The following NCOA4 variants were observed in gnomAD, a reference collection of about 807,000 sequenced individuals.
NCOA4 encodes the protein nuclear receptor coactivator 4.
NCOA4 carries 31 observed loss-of-function variants against 69.5 expected under a neutral mutation model. The observed-to-expected ratio is 0.45, with a 90% CI of 0.34 to 0.60. NCOA4 has a LOEUF of 0.60. Among genes scored for constraint, NCOA4 ranks in the 20% least tolerant of loss-of-function variants. NCOA4 has a pLI of 0.02. For synonymous variants in NCOA4, 228 were observed against 252.4 expected (o/e 0.90, Z 0.92); for missense variants, 600 against 719.2 (o/e 0.83, Z 1.90).
rs1838802016 is a variant in NCOA4 at position 46,006,248 on chromosome 10, A to G, written c.*344T>C. The G allele has an allele frequency of 2.9e-6, 1 of 347,960 alleles. No homozygotes were observed. The highest frequency in any genetic ancestry group is 4.1e-5 in the East Asian group (1 of 24,424). 21.6% of individuals were successfully genotyped at this position (347,960 alleles called of 1,614,324 possible). The stretch of plus-strand genomic sequence containing the variant: ...AATACATCAATATACTTCGATAAAC[A>G]AGAGTGTTTTAATGTACTTTTAGTA... On this transcript the variant is annotated 3_prime_UTR_variant, in exon 10 of 10. Transcript: ENST00000581486.
intron 1 of NCOA4, among the ~76,000 whole-genome samples, chr10:46,028,908 A>T (rs192137441): frequency 4.7e-4 from 72 of 152,204 alleles, no homozygotes; most frequent in African/African-American, 1.6e-3. Flanking sequence ...ATGTGAGGGA[A>T]AGTATTATAA....
chr10:46,029,132 C>G (rs368428420), intron 1 of NCOA4, among the ~76,000 whole-genome samples: 2 of 151,972 alleles, frequency 1.3e-5, no homozygotes, highest in African/African-American at 4.8e-5. Context: ...CATAGCTCAA[C>G]ATGTTTTTCC....
In NCOA4 at chr10:46,011,368, C is replaced by T. The variant is rs369512224; in HGVS notation, c.715-162G>A. ...CTGCAAGCTCTGCCTCCCAGCTTCA[C>T]GCCATTCTCCTGCCTCAGCCTTCCG... is the stretch of plus-strand genomic sequence containing the variant. On this transcript the variant is annotated intron_variant, in intron 7 of 9. Transcript: ENST00000581486. Among the ~76,000 whole-genome samples, 43 of 152,198 alleles carry T rather than the reference C, an allele frequency of 2.8e-4. No individual in the cohort carries two copies. In the East Asian group the frequency reaches 8.1e-3, roughly 29 times the overall value.
In NCOA4 at chr10:46,006,120, T is replaced by C. The variant is rs1715147506; in HGVS notation, c.*472A>G. On this transcript the variant is annotated 3_prime_UTR_variant, in exon 10 of 10. Transcript: ENST00000581486. ...TTGTGCAAAATACACTATGTATTAATAGAACAGGAAAATAATTATTTCAGA... is the reference window on the plus strand; with the variant it reads ...TTGTGCAAAATACACTATGTATTAACAGAACAGGAAAATAATTATTTCAGA... 2 of 222,734 alleles carry C rather than the reference T, an allele frequency of 9.0e-6. No individual in the cohort carries two copies. The highest frequency in any genetic ancestry group is 1.1e-4 in the Admixed American group (2 of 17,910). 13.8% of individuals were successfully genotyped at this position (222,734 alleles called of 1,614,324 possible). A position where few individuals can be genotyped will look rare whatever the true frequency, so the allele number is the denominator to read the frequency against.
At position 46,016,640 on chromosome 10, in the gene NCOA4, C is replaced by G. The variant is rs781784728; in HGVS notation, c.41G>C (p.Arg14Thr). The G allele has an allele frequency of 6.5e-7, 1 of 1,539,270 alleles. No individual in the cohort carries two copies. The highest frequency in any genetic ancestry group is 8.8e-7 in the Non-Finnish European group (1 of 1,133,692). The part of the protein sequence containing the change: ...FQDQSGSSSN[R>T]EPLLRCSDAR... ...ATCACTACACCTCAAAAGGGGTTCTCTATTACTGGAGCTGCCACTCTGGTC... is the reference window on the plus strand; with the variant it reads ...ATCACTACACCTCAAAAGGGGTTCTGTATTACTGGAGCTGCCACTCTGGTC... The change falls in exon 2 of 10, where the codon AGA (arginine) becomes ACA (threonine). Residue 14 changes from arginine to threonine, a missense_variant. Coordinates refer to ENST00000581486, the MANE Select transcript of NCOA4 (RefSeq NM_001145263.2).
chr10:46,009,104 T>C, intron 9 of NCOA4: 1 of 1,446,890 alleles, frequency 6.9e-7, no homozygotes. Flanking sequence ...TTTATTGCAG[T>C]GGCCTGGAAC....
intron 8 of NCOA4, among the ~76,000 whole-genome samples, chr10:46,009,834 G>T (rs782190955): frequency 6.6e-6 from 1 of 152,088 alleles, no homozygotes; most frequent in Non-Finnish European, 1.5e-5. Flanking sequence ...CATATTTAAG[G>T]ATCTGGCTGG....
In NCOA4 at chr10:46,006,314, C is replaced by T. The variant is rs1838805472; in HGVS notation, c.*278G>A. On this transcript the variant is annotated 3_prime_UTR_variant, in exon 10 of 10. Transcript: ENST00000581486. ...GAGCCTTGGAGGCTTGTGAAAAAGA[C>T]GTCCACAAAGATGCTGCATTTCTAG... 5 of 479,730 alleles carry T rather than the reference C, an allele frequency of 1.0e-5. No individual in the cohort carries two copies. The highest frequency in any genetic ancestry group is 3.8e-5 in the African/African-American group (2 of 52,260). 29.7% of individuals were successfully genotyped at this position (479,730 alleles called of 1,614,324 possible).
At chr10:46,027,505 TTGAA>T (rs1840229739) in intron 1 of NCOA4, 53 of 1,546,984 alleles carry the variant, frequency 3.4e-5, no homozygotes, top group Non-Finnish European at 4.5e-5. Flanking sequence ...GCGTTCTATG[TTGAA>T]GCAATGTGTC....
intron 1 of NCOA4, among the ~76,000 whole-genome samples, chr10:46,020,564 T>C (rs575198509): frequency 6.6e-5 from 10 of 152,192 alleles, no homozygotes; most frequent in Non-Finnish European, 1.0e-4. Context: ...GGAACCTAAC[T>C]TCCTAATTCA....
At chr10:46,013,788 C>G (rs1554922380) in intron 5 of NCOA4, 149 bp from the exon 6 acceptor site, 2 of 554,096 alleles carry the variant, frequency 3.6e-6, no homozygotes, top group East Asian at 3.0e-5. Context: ...AAGTAGTTAT[C>G]AAATTTGAGA....
At chr10:46,012,070 GAAAAAAAAAAAAAAAA>G (rs71026286) in intron 7 of NCOA4, among the ~76,000 whole-genome samples, 46 of 44,532 alleles carry the variant, frequency 1.0e-3, no homozygotes, top group South Asian at 4.0e-3. Context: ...CAAAAAGAAA[GAAAAAAAAAAAAAAAA>G]AAAAAAAAAA....
At chr10:46,027,287 AAG>A in intron 1 of NCOA4, 12 of 734,374 alleles carry the variant, frequency 1.6e-5, no homozygotes, top group African/African-American at 7.3e-5. Context: ...AAAAAAAAAA[AAG>A]AATGATTAAG....
In NCOA4 at chr10:46,014,568, C is replaced by T. The variant is rs782677160; in HGVS notation, c.372-16G>A. On this transcript the variant is annotated splice_polypyrimidine_tract_variant and intron_variant, in intron 4 of 9. Transcript: ENST00000581486. ...ACTGCCCAGTCTGGGGAAAAAAAAA[C>T]AAAATTGGCTATTTTTAAGGAATAT... 5 of 1,519,742 alleles carry T rather than the reference C, an allele frequency of 3.3e-6. No homozygotes were observed. Among genetic ancestry groups the T allele is most frequent in the East Asian group, 2.3e-5 (1 of 44,382 alleles). 94.1% of individuals were successfully genotyped at this position (1,519,742 alleles called of 1,614,324 possible). A position where few individuals can be genotyped will look rare whatever the true frequency, so the allele number is the denominator to read the frequency against.
chr10:46,006,548 G>A lies in NCOA4; in HGVS notation c.*44C>T, dbSNP rs560729804. Reference sequence around the variant, plus strand: ...AAGCTGCAGTCACTCAGCTCATGATGTGTGATAATCAGCAGAAAGGCTGCT... The same window carrying A: ...AAGCTGCAGTCACTCAGCTCATGATATGTGATAATCAGCAGAAAGGCTGCT... On this transcript the variant is annotated 3_prime_UTR_variant, in exon 10 of 10. Coordinates refer to ENST00000581486, the MANE Select transcript of NCOA4 (RefSeq NM_001145263.2). 9.3e-6 allele frequency: 15 copies of A among 1,610,536 alleles called. No homozygotes were observed. Among genetic ancestry groups the A allele is most frequent in the Non-Finnish European group, 1.2e-5 (14 of 1,177,236 alleles).
At chr10:46,014,065 C>T (rs1554922438) in intron 5 of NCOA4, among the ~76,000 whole-genome samples, 1 of 151,906 alleles carries the variant, frequency 6.6e-6, no homozygotes, top group Non-Finnish European at 1.5e-5. Flanking sequence ...CACTGTTTGT[C>T]GCCCAGGTTG....
chr10:46,011,887 T>TA (rs1839232707), intron 7 of NCOA4, among the ~76,000 whole-genome samples: 1 of 150,058 alleles, frequency 6.7e-6, no homozygotes, highest in Admixed American at 6.6e-5. Context: ...CCGTATCTAC[T>TA]AAAAAATAAA....
At chr10:46,023,549 C>T in intron 1 of NCOA4, 3 of 982,772 alleles carry the variant, frequency 3.1e-6, no homozygotes, top group Non-Finnish European at 3.6e-6. Flanking sequence ...CAGCCAGTCC[C>T]CGCTGGCGCT....
Position 46,015,243 on chromosome 10 carries a change from G to A in NCOA4, c.165C>T (p.Cys55=). ...LREVKAQIHS[C]ISRHLECLRS... ...TAAGACATTCCAGGTGACGGCTTAT[G>A]CAACTGTGAATCTGAGCTTTGACCT... The change falls in exon 3 of 10, where the codon TGC becomes TGT. Residue 55 remains cysteine (C), a synonymous_variant. Transcript: ENST00000581486. The A allele has an allele frequency of 6.2e-7, 1 of 1,613,080 alleles. No homozygotes were observed. Among genetic ancestry groups the A allele is most frequent in the Non-Finnish European group, 8.5e-7 (1 of 1,179,722 alleles).
Sources: gnomAD v4.1 joint callset for allele counts (sites outside exome capture counted in the v4.1 genomes callset) on GRCh38, gnomAD v4.1.1 for gene constraint, MANE v1.5 for transcripts, NCBI Gene and HGNC (gene_info 2026-07-23, HGNC 2026-07-21) for gene names.